SORCS3: variants seen among roughly 807,000 people sequenced by gnomAD.
SORCS3 encodes the protein VPS10 domain-containing receptor SorCS3.
Under a neutral mutation model 146.3 loss-of-function variants are expected in SORCS3, and 57 were observed. The ratio of observed to expected loss-of-function variants is 0.39; its 90% confidence interval spans 0.31 to 0.49. The LOEUF (loss-of-function observed/expected upper bound fraction) is 0.49. SORCS3 is among the 20% of genes least tolerant of loss of function. The pLI, the probability that SORCS3 is intolerant of heterozygous loss-of-function variation, is 0.92. For synonymous variants in SORCS3, 653 were observed against 618.5 expected (o/e 1.06, Z -0.83); for missense variants, 1,341 against 1,575.5 (o/e 0.85, Z 2.52).
chr10:104,872,605 G>A (rs1248086094), intron 2 of SORCS3, among the ~76,000 whole-genome samples: 1 of 141,812 alleles, frequency 7.1e-6, no homozygotes, highest in African/African-American at 2.7e-5. Context: ...GAATTCTGAT[G>A]TAGTTAGTCC....
At chr10:104,685,032 G>A (rs942678676) in intron 1 of SORCS3, among the ~76,000 whole-genome samples, 63 of 151,780 alleles carry the variant, frequency 4.2e-4, no homozygotes, top group African/African-American at 1.5e-3. Context: ...TGGCAAGGCT[G>A]GTCTCGAGCT....
chr10:104,951,307 G>T (rs1282869457), intron 3 of SORCS3, among the ~76,000 whole-genome samples: 2 of 151,864 alleles, frequency 1.3e-5, no homozygotes, highest in Non-Finnish European at 2.9e-5. Context: ...GCCTTGCTTG[G>T]TATAAGACTT....
intron 19 of SORCS3, chr10:105,217,976 A>G: frequency 4.7e-6 from 2 of 421,302 alleles, no homozygotes; most frequent in Non-Finnish European, 9.5e-6. Context: ...GTAATATGCT[A>G]CATATAGTGA....
intron 1 of SORCS3, among the ~76,000 whole-genome samples, chr10:104,709,404 CCT>C (rs1243762270): frequency 1.1e-4 from 16 of 152,146 alleles, no homozygotes; most frequent in Middle Eastern, 3.4e-3. Flanking sequence ...CCAATTCTCC[CCT>C]GTTTTTTTGA....
At chr10:104,751,225 T>A (rs192952982) in intron 1 of SORCS3, among the ~76,000 whole-genome samples, 2 of 152,186 alleles carry the variant, frequency 1.3e-5, no homozygotes. Context: ...AAATAAGGAA[T>A]ACATTTCTAA....
chr10:105,058,217 G>T (rs1052492337), intron 5 of SORCS3, among the ~76,000 whole-genome samples: 2 of 152,132 alleles, frequency 1.3e-5, no homozygotes, highest in Non-Finnish European at 2.9e-5. Flanking sequence ...TCAGACCCTG[G>T]AACCAGTCTG....
At chr10:105,010,021 C>T (rs928600222) in intron 4 of SORCS3, among the ~76,000 whole-genome samples, 11 of 152,038 alleles carry the variant, frequency 7.2e-5, no homozygotes, top group African/African-American at 2.7e-4. Flanking sequence ...TCAATCAAAC[C>T]CTGAGGCACA....
At chr10:104,848,103 A>G (rs1287159215) in intron 2 of SORCS3, among the ~76,000 whole-genome samples, 4 of 152,154 alleles carry the variant, frequency 2.6e-5, no homozygotes, top group Non-Finnish European at 4.4e-5. Context: ...TTAGCATTTC[A>G]ACTATACTAA....
At chr10:104,659,091 A>C (rs181945949) in intron 1 of SORCS3, among the ~76,000 whole-genome samples, 91 of 152,290 alleles carry the variant, frequency 6.0e-4, no homozygotes, top group African/African-American at 2.1e-3. Flanking sequence ...CATGGTATTA[A>C]ATTGTGGAAG....
At position 105,032,106 on chromosome 10, in the gene SORCS3, C is replaced by T. The variant is rs532070202; in HGVS notation, c.955-10949C>T. On this transcript the variant is annotated intron_variant, in intron 4 of 26. Transcript: ENST00000369701. ...ACTCGGGAGGCTGAGGCAGGAGAAC[C>T]GCTTGAAACCGGAAGACAGAGGTTG... Among the ~76,000 whole-genome samples the T allele has an allele frequency of 5.3e-5, 8 of 152,180 alleles. No individual in the cohort carries two copies. In the South Asian group the frequency reaches 1.0e-3, roughly 20 times the overall value.
At chr10:104,891,576 T>C (rs1451294729) in intron 2 of SORCS3, among the ~76,000 whole-genome samples, 1 of 152,190 alleles carries the variant, frequency 6.6e-6, no homozygotes, top group African/African-American at 2.4e-5. Flanking sequence ...ATTTGTTTAC[T>C]GTCTCTTAGG....
intron 5 of SORCS3, among the ~76,000 whole-genome samples, chr10:105,077,519 TAAACACAC>T (rs1266979634): frequency 1.1e-5 from 1 of 89,672 alleles, no homozygotes; most frequent in Non-Finnish European, 2.1e-5. Flanking sequence ...CTGACTAAAT[TAAACACAC>T]ACACACACAC....
intron 13 of SORCS3, among the ~76,000 whole-genome samples, chr10:105,176,477 G>A (rs2056403433): frequency 6.6e-6 from 1 of 151,834 alleles, no homozygotes; most frequent in Admixed American, 6.6e-5. Context: ...CACTTGAGCT[G>A]AAGAGTTCAA....
At chr10:104,946,839 G>A (rs1196209984) in intron 3 of SORCS3, among the ~76,000 whole-genome samples, 1 of 152,122 alleles carries the variant, frequency 6.6e-6, no homozygotes, top group Non-Finnish European at 1.5e-5. Flanking sequence ...ATAGGTTTAT[G>A]TTTCTTTAGT....
chr10:104,873,564 G>A (rs891100415), intron 2 of SORCS3, among the ~76,000 whole-genome samples: 1 of 152,148 alleles, frequency 6.6e-6, no homozygotes, highest in African/African-American at 2.4e-5. Context: ...GCCTTTTGGG[G>A]GCAGAGCACC....
intron 3 of SORCS3, among the ~76,000 whole-genome samples, chr10:104,922,970 T>C (rs190463218): frequency 1.3e-5 from 2 of 152,312 alleles, no homozygotes; most frequent in Admixed American, 1.3e-4. Context: ...GATCCTTCAG[T>C]GCAAAGGGAC....
intron 1 of SORCS3, among the ~76,000 whole-genome samples, chr10:104,751,925 ATATATATATATATAT>A (rs2016989711): frequency 7.4e-4 from 7 of 9,404 alleles, no homozygotes; most frequent in Non-Finnish European, 1.2e-3. Flanking sequence ...AATAGGAAGC[ATATATATATATATAT>A]ATATATATAT....
intron 4 of SORCS3, among the ~76,000 whole-genome samples, chr10:105,009,527 CAAAAAAAAAA>C (rs35368294): frequency 9.5e-6 from 1 of 105,152 alleles, no homozygotes; most frequent in Admixed American, 1.1e-4. Context: ...AACAAACAAA[CAAAAAAAAAA>C]AAAAAAAAAA....
chr10:105,154,324 A>G (rs1170566156), intron 9 of SORCS3, among the ~76,000 whole-genome samples: 1 of 152,084 alleles, frequency 6.6e-6, no homozygotes, highest in Non-Finnish European at 1.5e-5. Flanking sequence ...AAGGCAGATC[A>G]TGGTAATTGC....
Sources: gnomAD v4.1 joint callset for allele counts (sites outside exome capture counted in the v4.1 genomes callset) on GRCh38, gnomAD v4.1.1 for gene constraint, MANE v1.5 for transcripts, NCBI Gene and HGNC (gene_info 2026-07-23, HGNC 2026-07-21) for gene names.